ITPR2: variants seen among roughly 807,000 people sequenced by gnomAD.
ITPR2 encodes the protein inositol 1,4,5-trisphosphate-gated calcium channel ITPR2.
Under a neutral mutation model 317.1 loss-of-function variants are expected in ITPR2, and 207 were observed. That is an observed-to-expected ratio of 0.65 (90% CI 0.58 to 0.73). The LOEUF is 0.73. ITPR2 is among the 30% of genes least tolerant of loss of function. The pLI is 0.00. For missense variants in ITPR2, 2,613 were observed against 3,284.0 expected (o/e 0.80, Z 4.99); for synonymous variants, 1,156 against 1,149.1 (o/e 1.01, Z -0.12).
At chr12:26,678,393 G>T (rs1034604336) in intron 13 of ITPR2, among the ~76,000 whole-genome samples, 1 of 149,270 alleles carries the variant, frequency 6.7e-6, no homozygotes, top group Non-Finnish European at 1.5e-5. Context: ...TCATTCCTGG[G>T]ATAAGTAAAA....
intron 37 of ITPR2, among the ~76,000 whole-genome samples, chr12:26,503,165 G>A (rs1341193113): frequency 8.4e-6 from 1 of 118,462 alleles, no homozygotes; most frequent in Non-Finnish European, 1.9e-5. Flanking sequence ...GAAACAATGG[G>A]GTAGAAGACC....
At chr12:26,576,721 TAG>T (rs1005616467) in intron 34 of ITPR2, among the ~76,000 whole-genome samples, 1 of 152,004 alleles carries the variant, frequency 6.6e-6, no homozygotes, top group Non-Finnish European at 1.5e-5. Context: ...TGGCCCAGGA[TAG>T]AGAGGTAGAG....
intron 1 of ITPR2, among the ~76,000 whole-genome samples, chr12:26,825,367 C>T (rs1950993959): frequency 6.6e-6 from 1 of 152,172 alleles, no homozygotes; most frequent in African/African-American, 2.4e-5. Context: ...GTTATTATAG[C>T]ATAAATCGGT....
chr12:26,507,861 CTCTGTGTGTG>C (rs1943229999), intron 37 of ITPR2, among the ~76,000 whole-genome samples: 1 of 120,876 alleles, frequency 8.3e-6, no homozygotes, highest in Non-Finnish European at 1.7e-5. Flanking sequence ...CTCTCTCTGT[CTCTGTGTGTG>C]TGTGTGTGTG....
intron 46 of ITPR2, 105 bp from the exon 47 acceptor site, chr12:26,439,424 T>G (rs1343523275): frequency 1.3e-6 from 1 of 744,510 alleles, no homozygotes; most frequent in African/African-American, 1.8e-5. Context: ...TGAATTCAGT[T>G]GTGAAAAAAT....
chr12:26,686,543 G>A lies in ITPR2; in HGVS notation c.1086C>T (p.Asp362=), dbSNP rs1220496488. The A allele has an allele frequency of 6.2e-7, 1 of 1,612,134 alleles. No homozygotes were observed. Among genetic ancestry groups the A allele is most frequent in the Non-Finnish European group, 8.5e-7 (1 of 1,178,954 alleles). Residue 362 remains aspartate (D), a synonymous_variant, in exon 11 of 57, where the codon GAC becomes GAT. Transcript: ENST00000381340. ...YTLVSVPHGN[D]IASLFELDAT... ...CATCTAGTTCAAAAAGGGATGCAATGTCATTGCCATGCGGGACTGAAACCA... is the reference window on the plus strand; with the variant it reads ...CATCTAGTTCAAAAAGGGATGCAATATCATTGCCATGCGGGACTGAAACCA...
Position 26,601,376 on chromosome 12 carries a change from A to C in ITPR2, c.3678+994T>G, listed in dbSNP as rs114053159. 1.4e-3 allele frequency among the ~76,000 whole-genome samples: 207 copies of C among 152,310 alleles called. 2 individuals are homozygous for C. Among genetic ancestry groups the C allele is most frequent in the African/African-American group, 4.1e-3 (169 of 41,570 alleles). On this transcript the variant is annotated intron_variant, in intron 28 of 56. Transcript: ENST00000381340. Reference sequence around the variant, plus strand: ...TCAGTTCTCAGAACTTTGCTCCTAAATACCATTTCCCACCAAATGGAAATG... The same window carrying C: ...TCAGTTCTCAGAACTTTGCTCCTAACTACCATTTCCCACCAAATGGAAATG...
chr12:26,426,962 T>C (rs540936888), intron 49 of ITPR2, among the ~76,000 whole-genome samples: 2 of 151,928 alleles, frequency 1.3e-5, no homozygotes, highest in Admixed American at 1.3e-4. Context: ...TGTAAATATA[T>C]AAGAATACAA....
intron 30 of ITPR2, among the ~76,000 whole-genome samples, chr12:26,598,890 G>C (rs998863842): frequency 6.6e-6 from 1 of 152,002 alleles, no homozygotes; most frequent in African/African-American, 2.4e-5. Flanking sequence ...CATTTCATAG[G>C]ATTTTACCCA....
chr12:26,491,667 T>C (rs1942809081), intron 39 of ITPR2, among the ~76,000 whole-genome samples: 1 of 150,804 alleles, frequency 6.6e-6, no homozygotes, highest in African/African-American at 2.5e-5. Context: ...AGTATGGATA[T>C]GAGGGATATT....
At chr12:26,744,838 T>C (rs1273975820) in intron 2 of ITPR2, among the ~76,000 whole-genome samples, 1 of 152,232 alleles carries the variant, frequency 6.6e-6, no homozygotes, top group Non-Finnish European at 1.5e-5. Context: ...CTCTCTTTTC[T>C]TGTTTGCCTC....
chr12:26,435,927 T>C (rs1170438532), intron 48 of ITPR2, among the ~76,000 whole-genome samples: 1 of 152,190 alleles, frequency 6.6e-6, no homozygotes, highest in Non-Finnish European at 1.5e-5. Context: ...ATAATTTAGA[T>C]GATACAGTAT....
chr12:26,778,259 C>A (rs1950012950), intron 2 of ITPR2, among the ~76,000 whole-genome samples: 1 of 152,160 alleles, frequency 6.6e-6, no homozygotes, highest in Non-Finnish European at 1.5e-5. Flanking sequence ...AATATTGCAA[C>A]CCTGGAGGGA....
At chr12:26,421,319 C>G (rs1940883857) in intron 49 of ITPR2, 1 of 152,074 alleles carries the variant, frequency 6.6e-6, no homozygotes, top group Admixed American at 6.6e-5. Flanking sequence ...TGAATAGATT[C>G]CTGTTCTCTT....
chr12:26,727,672 C>A (rs951959279), intron 2 of ITPR2, among the ~76,000 whole-genome samples: 1 of 152,164 alleles, frequency 6.6e-6, no homozygotes, highest in Admixed American at 6.5e-5. Flanking sequence ...AATCCCCCTA[C>A]AGGGGGTCAT....
At chr12:26,601,894 G>A (rs561659886) in intron 28 of ITPR2, among the ~76,000 whole-genome samples, 74 of 152,266 alleles carry the variant, frequency 4.9e-4, no homozygotes, top group South Asian at 2.9e-3. Context: ...CATCACTCCG[G>A]TTATGTCCCT....
intron 5 of ITPR2, 86 bp from the exon 6 acceptor site, chr12:26,716,328 C>T (rs1948739697): frequency 1.3e-6 from 1 of 771,808 alleles, no homozygotes; most frequent in South Asian, 1.6e-5. Flanking sequence ...CACAGGAGTC[C>T]CCATTATTGA....
chr12:26,362,501 A>C (rs1938865535), intron 55 of ITPR2, among the ~76,000 whole-genome samples: 1 of 152,228 alleles, frequency 6.6e-6, no homozygotes, highest in South Asian at 2.1e-4. Flanking sequence ...TACATGCAAG[A>C]ATACGGATAG....
chr12:26,489,109 G>A (rs1005825974), intron 39 of ITPR2, among the ~76,000 whole-genome samples: 4 of 152,082 alleles, frequency 2.6e-5, no homozygotes, highest in Non-Finnish European at 5.9e-5. Context: ...TGAACAACAC[G>A]ATTTTAAAAA....
Sources: gnomAD v4.1 joint callset for allele counts (sites outside exome capture counted in the v4.1 genomes callset) on GRCh38, gnomAD v4.1.1 for gene constraint, MANE v1.5 for transcripts, NCBI Gene and HGNC (gene_info 2026-07-23, HGNC 2026-07-21) for gene names.